Variants in CORIN observed in about 807,000 individuals in gnomAD.
CORIN encodes the protein corin, serine peptidase, also known as atrial natriuretic peptide-converting enzyme.
In CORIN, 117 loss-of-function variants were observed where a neutral mutation model predicts 125.3. The ratio of observed to expected loss-of-function variants is 0.93; its 90% CI spans 0.80 to 1.09. The LOEUF is 1.09. Ranked by LOEUF, CORIN falls within the 50% of genes least tolerant of loss-of-function variation. The pLI is 0.00. For missense variants in CORIN, 1,253 were observed against 1,306.7 expected, an observed-to-expected ratio of 0.96 and a Z score of 0.63; for synonymous variants, 450 against 466.4, an observed-to-expected ratio of 0.96 and a Z score of 0.45.
At chr4:47,768,646 A>T (rs1347791850) in intron 3 of CORIN, among the ~76,000 whole-genome samples, 1 of 152,212 alleles carries the variant, frequency 6.6e-6, no homozygotes, top group African/African-American at 2.4e-5. Flanking sequence ...TGGAATTTAT[A>T]CCTGGGATGC....
chr4:47,704,241 C>T (rs1260453197), intron 5 of CORIN, among the ~76,000 whole-genome samples: 3 of 152,106 alleles, frequency 2.0e-5, no homozygotes, highest in African/African-American at 7.2e-5. Context: ...ATTAACCTTG[C>T]GTAAAACTAA....
Position 47,595,710 on chromosome 4 carries a change from CA to C in CORIN, c.*10del, listed in dbSNP as rs750478010. On this transcript the variant is annotated 3_prime_UTR_variant, in exon 22 of 22. Transcript: ENST00000273857. The stretch of plus-strand genomic sequence containing the variant: ...AGTGTAGCTGGCAAAAGTCTCTGAT[CA>C]TCCTTATAATTAGTTTAGGAGAAAG... 2 of 1,584,798 alleles carry C rather than the reference CA, an allele frequency of 1.3e-6. No individual in the cohort carries two copies. The highest frequency in any genetic ancestry group is 2.7e-5 in the African/African-American group (2 of 73,240).
chr4:47,682,039 A>T (rs1159704284), intron 7 of CORIN: 1 of 152,206 alleles, frequency 6.6e-6, no homozygotes, highest in Non-Finnish European at 1.5e-5. Context: ...TAAGCCAGGC[A>T]TAGAAACAGA....
chr4:47,647,815 T>C (rs1172750463), intron 13 of CORIN, among the ~76,000 whole-genome samples: 1 of 152,160 alleles, frequency 6.6e-6, no homozygotes, highest in East Asian at 1.9e-4. Flanking sequence ...GACAACTGGA[T>C]TTGAATCCTA....
At chr4:47,716,074 A>G (rs1344046333) in intron 5 of CORIN, among the ~76,000 whole-genome samples, 1 of 152,174 alleles carries the variant, frequency 6.6e-6, no homozygotes, top group African/African-American at 2.4e-5. Flanking sequence ...GTAGTACTCT[A>G]TTTTCCCTAA....
intron 16 of CORIN, among the ~76,000 whole-genome samples, chr4:47,633,100 C>T (rs904996031): frequency 3.3e-5 from 5 of 151,972 alleles, no homozygotes; most frequent in African/African-American, 1.2e-4. Context: ...TATTCTTTGA[C>T]TATGTGTTTG....
At chr4:47,621,352 A>G (rs1324284814) in intron 19 of CORIN, among the ~76,000 whole-genome samples, 1 of 152,224 alleles carries the variant, frequency 6.6e-6, no homozygotes, top group Non-Finnish European at 1.5e-5. Flanking sequence ...GGCCCCAGCC[A>G]ACAGGCAGCA....
intron 5 of CORIN, among the ~76,000 whole-genome samples, chr4:47,722,601 C>T (rs145186952): frequency 6.6e-4 from 100 of 152,236 alleles, no homozygotes; most frequent in African/African-American, 1.9e-3. Flanking sequence ...ATTTGAAGGA[C>T]AAAGTTAAAA....
intron 3 of CORIN, among the ~76,000 whole-genome samples, chr4:47,779,863 T>C (rs1050155932): frequency 6.6e-6 from 1 of 152,230 alleles, no homozygotes; most frequent in South Asian, 2.1e-4. Context: ...ACCCAGTAAC[T>C]TTTGGGTATG....
At chr4:47,670,501 C>A (rs1288174823) in intron 10 of CORIN, among the ~76,000 whole-genome samples, 1 of 152,132 alleles carries the variant, frequency 6.6e-6, no homozygotes, top group Non-Finnish European at 1.5e-5. Flanking sequence ...AATTGCTAGA[C>A]CCTTAGGGAA....
intron 4 of CORIN, among the ~76,000 whole-genome samples, chr4:47,749,162 T>C (rs1168427701): frequency 6.6e-6 from 1 of 152,056 alleles, no homozygotes; most frequent in Non-Finnish European, 1.5e-5. Context: ...GACTTTAAGA[T>C]GGCCCGCAAT....
intron 1 of CORIN, among the ~76,000 whole-genome samples, chr4:47,818,599 G>A (rs1351128484): frequency 6.6e-6 from 1 of 152,184 alleles, no homozygotes; most frequent in Admixed American, 6.5e-5. Context: ...GGTCAGACAA[G>A]GTGGCTCACA....
intron 15 of CORIN, 186 bp downstream of exon 15, chr4:47,642,960 C>A: frequency 6.5e-7 from 1 of 1,535,752 alleles, no homozygotes; most frequent in Non-Finnish European, 8.7e-7. Flanking sequence ...AGAGAAGTAG[C>A]TTCGTGGGGA....
chr4:47,670,925 A>C (rs1258102094), intron 10 of CORIN, among the ~76,000 whole-genome samples: 2 of 152,226 alleles, frequency 1.3e-5, no homozygotes, highest in African/African-American at 4.8e-5. Context: ...CTATTTCTTG[A>C]AAAAACTATG....
chr4:47,613,236 C>G (rs1326071364), intron 19 of CORIN, among the ~76,000 whole-genome samples: 1 of 152,120 alleles, frequency 6.6e-6, no homozygotes, highest in Admixed American at 6.6e-5. Flanking sequence ...GGGCAGATCA[C>G]GAGGTCAGGA....
intron 4 of CORIN, among the ~76,000 whole-genome samples, chr4:47,759,899 G>A (rs771915403): frequency 9.2e-5 from 14 of 152,172 alleles, no homozygotes; most frequent in Non-Finnish European, 1.5e-5. Flanking sequence ...CACAACCTCT[G>A]CAATTACTTT....
chr4:47,805,148 A>AAATAAT (rs1553919339), intron 2 of CORIN, among the ~76,000 whole-genome samples: 11 of 129,160 alleles, frequency 8.5e-5, no homozygotes, highest in African/African-American at 2.1e-4. Context: ...AAAAAAAAAA[A>AAATAAT]AATAATAATA....
chr4:47,826,706 T>A lies in CORIN; in HGVS notation c.63+11181A>T, dbSNP rs186505569. Among the ~76,000 whole-genome samples the A allele has an allele frequency of 7.2e-5, 11 of 152,330 alleles. No individual in the cohort carries two copies. In the East Asian group the frequency reaches 1.9e-3, roughly 27 times the overall value. The stretch of plus-strand genomic sequence containing the variant: ...CTCAAAATCCTTTATTTAATTACAT[T>A]TGCAAAGTCCCTTTTGACATAGAAA... On this transcript the variant is annotated intron_variant, in intron 1 of 21. Transcript: ENST00000273857.
intron 2 of CORIN, among the ~76,000 whole-genome samples, chr4:47,793,627 A>G (rs897968421): frequency 2.0e-5 from 3 of 152,210 alleles, no homozygotes; most frequent in Admixed American, 6.5e-5. Flanking sequence ...CATTCTTACC[A>G]TGAATTGATG....
Sources: allele counts gnomAD v4.1 joint callset (sites outside exome capture counted in the v4.1 genomes callset), GRCh38; gene constraint gnomAD v4.1.1; transcripts MANE v1.5; gene names NCBI Gene and HGNC (gene_info 2026-07-23, HGNC 2026-07-21).